The following SAMD5 variants were observed in gnomAD, a reference collection of about 807,000 sequenced individuals.
SAMD5 encodes sterile alpha motif domain-containing protein 5.
A neutral mutation model predicts 11.3 loss-of-function variants in SAMD5; 13 were observed. The ratio of observed to expected loss-of-function variants is 1.15; its 90% CI spans 0.75 to 1.83. The LOEUF (loss-of-function observed/expected upper bound fraction) is 1.83, where lower values mean the gene tolerates loss of function less well. Among genes scored for constraint, SAMD5 ranks in the 40% most tolerant of loss-of-function variants. The probability of loss-of-function intolerance (pLI) is 0.00; values close to 1 mark genes in which losing one functional copy is unlikely to be tolerated. For synonymous variants in SAMD5, 129 were observed against 111.3 expected (o/e 1.16, Z -1.00); for missense variants, 255 against 239.1 (o/e 1.07, Z -0.44).
chr6:147,619,535 C>G (rs1252869735), intron 1 of SAMD5, among the ~76,000 whole-genome samples: 2 of 152,200 alleles, frequency 1.3e-5, no homozygotes, highest in Admixed American at 1.3e-4. Context: ...CCTAAGGTCA[C>G]AAATTAATCC....
chr6:147,620,989 T>TGTGTGC (rs1224255627), intron 1 of SAMD5, among the ~76,000 whole-genome samples: 6 of 55,412 alleles, frequency 1.1e-4, no homozygotes, highest in African/African-American at 2.5e-4. Context: ...TGTGTGTGTG[T>TGTGTGC]GCGCGCGCGC....
At chr6:147,953,616 C>T in the SAMD5 span, 5 of 152,074 alleles carry the variant, frequency 3.3e-5, no homozygotes, top group Non-Finnish European at 4.4e-5. Context: ...TTAAAATCAG[C>T]CAAAATATAG....
At position 147,642,892 on chromosome 6, in the gene SAMD5, C is replaced by T. The variant is rs181314539; in HGVS notation, c.163-94425C>T. Among the ~76,000 whole-genome samples, 7 of 152,234 alleles carry T rather than the reference C, an allele frequency of 4.6e-5. No individual in the cohort carries two copies. In the East Asian group the frequency reaches 9.7e-4, roughly 21 times the overall value. On this transcript the variant is annotated intron_variant, in intron 1 of 1. Coordinates refer to the SAMD5 transcript ENST00000566741. Reference sequence around the variant, plus strand: ...GTGCTAATATGAACAGGGTCCCAGTCGTTAGTTGGCTGCCATCTGCACTGT... The same window carrying T: ...GTGCTAATATGAACAGGGTCCCAGTTGTTAGTTGGCTGCCATCTGCACTGT...
At chr6:147,588,955 CATT>C (rs912672136) in intron 1 of SAMD5, among the ~76,000 whole-genome samples, 15 of 151,380 alleles carry the variant, frequency 9.9e-5, no homozygotes, top group African/African-American at 2.7e-4. Flanking sequence ...GTGGTCCTGG[CATT>C]ATTATTATTA....
the SAMD5 span, among the ~76,000 whole-genome samples, chr6:147,838,378 T>C: frequency 6.6e-6 from 1 of 152,130 alleles, no homozygotes; most frequent in Non-Finnish European, 1.5e-5. Context: ...GACCTTTCTG[T>C]TCAGTTCCTG....
At chr6:147,788,711 G>A in the SAMD5 span, among the ~76,000 whole-genome samples, 1 of 152,126 alleles carries the variant, frequency 6.6e-6, no homozygotes, top group African/African-American at 2.4e-5. Context: ...TTAGCTCTTG[G>A]CTAATGGAGG....
chr6:147,903,768 C>T, the SAMD5 span, among the ~76,000 whole-genome samples: 1 of 151,950 alleles, frequency 6.6e-6, no homozygotes, highest in East Asian at 1.9e-4. Context: ...ATTAGCCGGG[C>T]TTGGTGGCGC....
At chr6:147,783,587 C>T in the SAMD5 span, among the ~76,000 whole-genome samples, 8 of 151,932 alleles carry the variant, frequency 5.3e-5, no homozygotes, top group African/African-American at 7.2e-5. Flanking sequence ...TTAGTAGAGA[C>T]GGGGTTTCAC....
chr6:147,595,791 C>T (rs1789522802), intron 1 of SAMD5, among the ~76,000 whole-genome samples: 1 of 152,070 alleles, frequency 6.6e-6, no homozygotes, highest in African/African-American at 2.4e-5. Context: ...TCCCAAAGTG[C>T]TGGGATTACA....
At chr6:147,600,758 T>C (rs1469654320) in intron 1 of SAMD5, among the ~76,000 whole-genome samples, 1 of 152,188 alleles carries the variant, frequency 6.6e-6, no homozygotes, top group Non-Finnish European at 1.5e-5. Flanking sequence ...CGGATGGTAA[T>C]AGGAATCTTC....
chr6:147,758,808 T>A, the SAMD5 span, among the ~76,000 whole-genome samples: 1 of 152,010 alleles, frequency 6.6e-6, no homozygotes, highest in African/African-American at 2.4e-5. Context: ...CCTTCCCTCC[T>A]CCTGTTGGGG....
chr6:147,912,834 G>A, the SAMD5 span, among the ~76,000 whole-genome samples: 2 of 151,398 alleles, frequency 1.3e-5, no homozygotes, highest in Non-Finnish European at 2.9e-5. Context: ...AAGAACATAG[G>A]CTATATTTTA....
the SAMD5 span, chr6:147,953,899 A>G: frequency 6.6e-6 from 1 of 152,246 alleles, no homozygotes; most frequent in Admixed American, 6.5e-5. Flanking sequence ...ATTGCAAAAG[A>G]TAATCATCAT....
At chr6:147,858,245 G>A in the SAMD5 span, among the ~76,000 whole-genome samples, 1 of 152,090 alleles carries the variant, frequency 6.6e-6, no homozygotes, top group Non-Finnish European at 1.5e-5. Context: ...CCATTGGTCA[G>A]TTAGCAGCAC....
chr6:147,828,909 G>T, the SAMD5 span, among the ~76,000 whole-genome samples: 21,071 of 152,128 alleles, frequency 0.14, 1,578 homozygotes, highest in Middle Eastern at 0.21. Flanking sequence ...GAGACAGAAC[G>T]CTCAAAGGAA....
the SAMD5 span, among the ~76,000 whole-genome samples, chr6:147,822,825 T>C: frequency 2.0e-5 from 3 of 152,172 alleles, no homozygotes; most frequent in Non-Finnish European, 2.9e-5. Context: ...TTTATTTATG[T>C]ATTTTTTGAG....
intron 1 of SAMD5, among the ~76,000 whole-genome samples, chr6:147,701,756 C>A (rs1791256626): frequency 6.6e-6 from 1 of 152,014 alleles, no homozygotes; most frequent in African/African-American, 2.4e-5. Flanking sequence ...TTTAGATAAT[C>A]AAATTAAGGT....
chr6:147,726,518 G>GGTCCCA (rs1791628879), intron 1 of SAMD5, among the ~76,000 whole-genome samples: 1 of 152,086 alleles, frequency 6.6e-6, no homozygotes, highest in Non-Finnish European at 1.5e-5. Context: ...GGCCTGCCTG[G>GGTCCCA]GGCCCAGGCC....
intron 1 of SAMD5, among the ~76,000 whole-genome samples, chr6:147,620,058 G>T (rs984418821): frequency 1.3e-5 from 2 of 152,166 alleles, no homozygotes; most frequent in African/African-American, 4.8e-5. Flanking sequence ...GTTGTTGTTT[G>T]GTCCCCGGAG....
Sources: gnomAD v4.1 joint callset for allele counts (sites outside exome capture counted in the v4.1 genomes callset) on GRCh38, gnomAD v4.1.1 for gene constraint, MANE v1.5 for transcripts, NCBI Gene and HGNC (gene_info 2026-07-23, HGNC 2026-07-21) for gene names.